FAM118B: variants seen among roughly 807,000 people sequenced by gnomAD.
FAM118B encodes SIR2 antiphage like 1.
In FAM118B, 24 loss-of-function variants were observed where a neutral mutation model predicts 38.5. The observed-to-expected ratio is 0.62, with a 90% confidence interval of 0.45 to 0.88. The LOEUF is 0.88. Among genes scored for constraint, FAM118B ranks in the 40% least tolerant of loss-of-function variants. The pLI is 0.00. For synonymous variants in FAM118B, 138 were observed against 156.3 expected (o/e 0.88, Z 0.87); for missense variants, 334 against 420.0 (o/e 0.80, Z 1.79).
In FAM118B at chr11:126,256,820, T is replaced by G. The variant is rs376276886; in HGVS notation, c.950T>G (p.Leu317Arg). ...YADLPEYFKR[L>R]TCEISTRGTS... is the part of the protein sequence containing the mutation. The stretch of plus-strand genomic sequence containing the variant: ...GATCTTCCAGAATATTTCAAGCGAC[T>G]GACATGTGAGATCTCCACAAGGGGT... The change falls in exon 7 of 9, where the codon CTG (leucine) becomes CGG (arginine). Residue 317 changes from leucine (L) to arginine (R), a missense_variant. This residue lies in a region of FAM118B where 88 missense variants were observed against 98.1 expected (regional missense o/e 0.90). Coordinates refer to ENST00000533050, the MANE Select transcript of FAM118B (RefSeq NM_024556.4). This position sits in a 1 kb window ranked among gnomAD's most constrained non-coding sequence, Gnocchi z 6.6. 3 of 1,611,988 alleles carry G rather than the reference T, an allele frequency of 1.9e-6. No homozygotes were observed. The highest frequency in any genetic ancestry group is 2.5e-6 in the Non-Finnish European group (3 of 1,179,164).
rs1436151699 is a variant in FAM118B at position 126,253,740 on chromosome 11, G to A, written c.568-565G>A. On this transcript the variant is annotated intron_variant, in intron 5 of 8. Transcript: ENST00000533050. This position sits in a 1 kb window ranked among gnomAD's most constrained non-coding sequence, Gnocchi z 5.1. ...ATAAGGGGACCATACTTCCCTGCAAGCAATTGGCCAGGCCATATATGTCCC... is the reference window on the plus strand; with the variant it reads ...ATAAGGGGACCATACTTCCCTGCAAACAATTGGCCAGGCCATATATGTCCC... Among the ~76,000 whole-genome samples, 1 of 152,178 alleles carries A rather than the reference G, an allele frequency of 6.6e-6. No homozygotes were observed. The highest frequency in any genetic ancestry group is 1.9e-4 in the East Asian group (1 of 5,184).
chr11:126,250,387 G>A lies in FAM118B; in HGVS notation c.340-119G>A, dbSNP rs1950486127. On this transcript the variant is annotated intron_variant, in intron 4 of 8. Transcript: ENST00000533050. The surrounding 1 kb of genome is among the most constrained non-coding windows in gnomAD (Gnocchi z 5.1). ...ATTACAGGCGTGAGCCACTGCGCCT[G>A]GCCTTTATCTCTGTTTTGAATTCAA... is the stretch of plus-strand genomic sequence containing the variant. The A allele has an allele frequency of 1.0e-5, 7 of 683,146 alleles. No homozygotes were observed. The East Asian group carries it at 1.6e-4, about 16-fold the overall frequency. 42.3% of individuals were successfully genotyped at this position (683,146 alleles called of 1,614,324 possible).
intron 5 of FAM118B, among the ~76,000 whole-genome samples, chr11:126,251,325 A>C (rs1950500786): frequency 6.6e-6 from 1 of 152,176 alleles, no homozygotes; most frequent in Non-Finnish European, 1.5e-5. Context: ...TTTTTCCTAC[A>C]CTTTGTTTTC....
chr11:126,250,815 G>T lies in FAM118B; in HGVS notation c.567+82G>T. ...AAAGCTCTTTTCTAGTTGGTATATT[G>T]GTATTTATGTAGAGCTAGAAAGGAA... On this transcript the variant is annotated intron_variant, in intron 5 of 8. Coordinates refer to ENST00000533050, the MANE Select transcript of FAM118B (RefSeq NM_024556.4). This position sits in a 1 kb window ranked among gnomAD's most constrained non-coding sequence, Gnocchi z 5.1. 2 of 1,113,484 alleles carry T rather than the reference G, an allele frequency of 1.8e-6. No individual in the cohort carries two copies. The highest frequency in any genetic ancestry group is 2.6e-6 in the Non-Finnish European group (2 of 782,254). 69.0% of individuals were successfully genotyped at this position (1,113,484 alleles called of 1,614,324 possible). A position where few individuals can be genotyped will look rare whatever the true frequency, so the allele number is the denominator to read the frequency against.
chr11:126,256,733 A>G lies in FAM118B; in HGVS notation c.863A>G (p.Lys288Arg), dbSNP rs777163489. 6.2e-7 allele frequency: 1 copy of G among 1,614,224 alleles called. No homozygotes were observed. The highest frequency in any genetic ancestry group is 1.1e-5 in the South Asian group (1 of 91,084). Residue 288 changes from lysine to arginine, a missense_variant, in exon 7 of 9, where the codon AAG (lysine) becomes AGG (arginine). Physicochemically the swap from Lys to Arg is conservative, Grantham distance 26. This residue lies in a region of FAM118B where 88 missense variants were observed against 98.1 expected (regional missense o/e 0.90). Transcript: ENST00000533050. The surrounding 1 kb of genome is among the most constrained non-coding windows in gnomAD (Gnocchi z 6.6). ...VRRGDVDEFK[K>R]LRENMLDKGI... is the part of the protein sequence containing the mutation. ...AGAGGAGACGTAGATGAGTTCAAAAAGCTTCGAGAAAACATGCTGGACAAG... is the reference window on the plus strand; with the variant it reads ...AGAGGAGACGTAGATGAGTTCAAAAGGCTTCGAGAAAACATGCTGGACAAG...
Position 126,254,337 on chromosome 11 carries a change from G to A in FAM118B, c.600G>A (p.Leu200=), listed in dbSNP as rs913358902. The A allele has an allele frequency of 3.1e-6, 5 of 1,613,818 alleles. No individual in the cohort carries two copies. In the African/African-American group the frequency reaches 6.7e-5, roughly 22 times the overall value. ...VLEWAQEKRK[L]SVLHIHGVYT... The stretch of plus-strand genomic sequence containing the variant: ...AGTGGGCTCAGGAGAAGCGTAAGCT[G>A]AGCGTGTTGCATATTCACGGAGTCT... The change falls in exon 6 of 9, where the codon CTG becomes CTA. Residue 200 remains leucine (L), a synonymous_variant. Coordinates refer to ENST00000533050, the MANE Select transcript of FAM118B (RefSeq NM_024556.4).
chr11:126,212,339 ACTC>A (rs147871370), intron 1 of FAM118B, among the ~76,000 whole-genome samples: 1 of 150,284 alleles, frequency 6.7e-6, no homozygotes, highest in Non-Finnish European at 1.5e-5. Context: ...TACCTTCCCT[ACTC>A]CTCCTAAAGA....
At chr11:126,247,877 A>C (rs552975738) in intron 4 of FAM118B, among the ~76,000 whole-genome samples, 3 of 145,732 alleles carry the variant, frequency 2.1e-5, no homozygotes, top group Non-Finnish European at 3.0e-5. Flanking sequence ...ATATATATAT[A>C]TATCTATATA....
intron 7 of FAM118B, chr11:126,261,196 A>C: frequency 2.0e-6 from 1 of 505,124 alleles, no homozygotes; most frequent in South Asian, 3.1e-5. Context: ...GTCTACAAGC[A>C]ATCGTAGTGC....
chr11:126,237,007 C>A (rs1464001061), intron 3 of FAM118B, among the ~76,000 whole-genome samples: 3 of 149,822 alleles, frequency 2.0e-5, no homozygotes, highest in Admixed American at 6.7e-5. Context: ...AGCTCTGCCT[C>A]CCGGGTTCAC....
At chr11:126,259,221 T>C (rs1950631360) in intron 7 of FAM118B, among the ~76,000 whole-genome samples, 1 of 152,152 alleles carries the variant, frequency 6.6e-6, no homozygotes, top group African/African-American at 2.4e-5. Flanking sequence ...AGGTTACAGG[T>C]CTTTTGCTGT....
At chr11:126,246,993 T>C (rs1327073058) in intron 4 of FAM118B, among the ~76,000 whole-genome samples, 3 of 152,208 alleles carry the variant, frequency 2.0e-5, no homozygotes, top group African/African-American at 4.8e-5. Flanking sequence ...CCCCTATCTC[T>C]ACACAAATTT....
Position 126,255,031 on chromosome 11 carries a change from C to G in FAM118B, c.696+598C>G, listed in dbSNP as rs535836519. On this transcript the variant is annotated intron_variant, in intron 6 of 8. Coordinates refer to ENST00000533050, the MANE Select transcript of FAM118B (RefSeq NM_024556.4). The surrounding 1 kb of genome is among the most constrained non-coding windows in gnomAD (Gnocchi z 4.6). ...AGGATACATTAGTACCCTTTATCATCATTTGGTTTATTAATAGCCCTCTCT... is the reference window on the plus strand; with the variant it reads ...AGGATACATTAGTACCCTTTATCATGATTTGGTTTATTAATAGCCCTCTCT... 6.6e-6 allele frequency among the ~76,000 whole-genome samples: 1 copy of G among 152,334 alleles called. No individual in the cohort carries two copies. The highest frequency in any genetic ancestry group is 2.1e-4 in the South Asian group (1 of 4,826).
Position 126,211,845 on chromosome 11 carries a change from A to T in FAM118B, c.-77+15A>T. 1 of 576,608 alleles carries T rather than the reference A, an allele frequency of 1.7e-6. No individual in the cohort carries two copies. The highest frequency in any genetic ancestry group is 3.0e-6 in the Non-Finnish European group (1 of 328,580). The allele number at this position is 576,608 out of a possible 1,614,324, so 35.7% of individuals were successfully genotyped here. On this transcript the variant is annotated intron_variant, in intron 1 of 8. Coordinates refer to ENST00000533050, the MANE Select transcript of FAM118B (RefSeq NM_024556.4). Reference sequence around the variant, plus strand: ...GAGGAGACTCGGTGAGTGTGTAGGGAAGCCGGGCTGGGGCTGGGAAATGCC... The same window carrying T: ...GAGGAGACTCGGTGAGTGTGTAGGGTAGCCGGGCTGGGGCTGGGAAATGCC...
At chr11:126,259,199 T>C (rs550028335) in intron 7 of FAM118B, among the ~76,000 whole-genome samples, 10 of 152,336 alleles carry the variant, frequency 6.6e-5, no homozygotes, top group South Asian at 4.1e-4. Flanking sequence ...TCTGTAGATA[T>C]AGACTAATGA....
intron 1 of FAM118B, among the ~76,000 whole-genome samples, chr11:126,218,151 C>G (rs1950005122): frequency 6.6e-6 from 1 of 152,042 alleles, no homozygotes; most frequent in Admixed American, 6.6e-5. Context: ...TCTTTGATAC[C>G]TTTTTGTAAT....
intron 1 of FAM118B, chr11:126,214,490 G>GTTTTGTTTTTTTTTTTT (rs1949942835): frequency 7.7e-5 from 2 of 25,814 alleles, no homozygotes; most frequent in African/African-American, 1.4e-4. Context: ...TTTTGTTTCT[G>GTTTTGTTTTTTTTTTTT]TTTTTTTTTT....
rs1444550260 is a variant in FAM118B, at chr11:126,262,121, C to CTGT, written c.1045_1047dup (p.Cys349dup). On this transcript the variant is annotated inframe_insertion and splice_region_variant, in exon 9 of 9. Transcript: ENST00000533050. ...GTTCTCTTTTCTTTCTCCCTACAGGCTGTAGTACATGAGCGAGCTAGAGAA... is the reference window on the plus strand; with the variant it reads ...GTTCTCTTTTCTTTCTCCCTACAGGCTGTTGTAGTACATGAGCGAGCTAGAGAA... The CTGT allele has an allele frequency of 1.4e-5, 23 of 1,613,966 alleles. No homozygotes were observed. In the Admixed American group the frequency reaches 3.8e-4, roughly 27 times the overall value.
intron 3 of FAM118B, 26 bp from the exon 4 acceptor site, chr11:126,240,766 T>C (rs755134067): frequency 6.3e-7 from 1 of 1,581,192 alleles, no homozygotes. Flanking sequence ...GATATTCCAA[T>C]CCTCTCATTT....
Sources: gnomAD v4.1 joint callset for allele counts (sites outside exome capture counted in the v4.1 genomes callset) on GRCh38, gnomAD v4.1.1 for gene constraint, gnomAD v4.1.1 regional missense constraint, Gnocchi (gnomAD v3.1) non-coding constraint, MANE v1.5 for transcripts, NCBI Gene and HGNC (gene_info 2026-07-23, HGNC 2026-07-21) for gene names.